CHST9: variants seen among roughly 807,000 people sequenced by gnomAD.
CHST9 encodes carbohydrate sulfotransferase 9.
In CHST9, 41 loss-of-function variants were observed where a neutral mutation model predicts 44.4. The observed-to-expected ratio is 0.92, with a 90% CI of 0.72 to 1.20. CHST9 has a LOEUF of 1.20. CHST9 is among the 50% of genes most tolerant of loss of function. CHST9 has a pLI of 0.00. For synonymous variants in CHST9, 171 were observed against 178.4 expected (o/e 0.96, Z 0.33); for missense variants, 504 against 516.5 (o/e 0.98, Z 0.23).
In CHST9 at chr18:26,907,631, AT is replaced by A. The variant is rs1357891807; in HGVS notation, c.*8627del. The A allele has an allele frequency of 6.6e-6, 1 of 152,644 alleles. No homozygotes were observed. Among genetic ancestry groups the A allele is most frequent in the Non-Finnish European group, 1.5e-5 (1 of 68,440 alleles). The allele number at this position is 152,644 out of a possible 1,614,324, so 9.5% of individuals were successfully genotyped here. On this transcript the variant is annotated 3_prime_UTR_variant, in exon 6 of 6. Coordinates refer to ENST00000618847, the MANE Select transcript of CHST9 (RefSeq NM_031422.6). Reference sequence around the variant, plus strand: ...CCCATGTGGAGGTCCTTAAAGAGGAATAAAGGACACTTCAGGTCGTGTAATA... The same window carrying A: ...CCCATGTGGAGGTCCTTAAAGAGGAAAAAGGACACTTCAGGTCGTGTAATA...
chr18:27,078,279 A>G (rs2057925691), intron 2 of CHST9, among the ~76,000 whole-genome samples: 1 of 152,128 alleles, frequency 6.6e-6, no homozygotes, highest in South Asian at 2.1e-4. Context: ...TCTATTCCCA[A>G]CTGAGGTTCA....
At chr18:26,969,988 CTTT>C (rs1228879039) in intron 4 of CHST9, among the ~76,000 whole-genome samples, 1 of 152,140 alleles carries the variant, frequency 6.6e-6, no homozygotes, top group Non-Finnish European at 1.5e-5. Flanking sequence ...CCATTTACTT[CTTT>C]GTTTCCTTTC....
At chr18:27,149,236 T>C (rs2058640033) in intron 1 of CHST9, among the ~76,000 whole-genome samples, 1 of 149,230 alleles carries the variant, frequency 6.7e-6, no homozygotes, top group African/African-American at 2.5e-5. Flanking sequence ...TAGTTTCTTT[T>C]GCTGTGCAGA....
intron 3 of CHST9, among the ~76,000 whole-genome samples, chr18:27,039,941 T>A (rs1327006825): frequency 6.6e-6 from 1 of 152,168 alleles, no homozygotes; most frequent in Non-Finnish European, 1.5e-5. Flanking sequence ...TGTAGTGTTT[T>A]GTTTGTCTCT....
chr18:27,087,045 T>C (rs936154374), intron 2 of CHST9, among the ~76,000 whole-genome samples: 6 of 152,156 alleles, frequency 3.9e-5, no homozygotes, highest in Admixed American at 2.0e-4. Context: ...AATTGAAGTG[T>C]GTGTTATACT....
At chr18:26,930,054 G>T (rs73400745) in intron 5 of CHST9, among the ~76,000 whole-genome samples, 4 of 152,310 alleles carry the variant, frequency 2.6e-5, no homozygotes, top group South Asian at 2.1e-4. Context: ...GATCAGATTG[G>T]CCTGTGTCAG....
intron 2 of CHST9, among the ~76,000 whole-genome samples, chr18:27,058,253 A>G (rs574890077): frequency 1.3e-5 from 2 of 152,204 alleles, no homozygotes; most frequent in Non-Finnish European, 2.9e-5. Context: ...GTTAGGTGTG[A>G]GTAGTCACTT....
intron 2 of CHST9, among the ~76,000 whole-genome samples, chr18:27,098,620 C>A (rs1021003314): frequency 6.6e-6 from 1 of 152,002 alleles, no homozygotes; most frequent in African/African-American, 2.4e-5. Flanking sequence ...TACTATGCAG[C>A]CATAAAAAAG....
chr18:27,112,246 G>A (rs1027832783), intron 2 of CHST9, among the ~76,000 whole-genome samples: 1 of 150,942 alleles, frequency 6.6e-6, no homozygotes, highest in African/African-American at 2.4e-5. Flanking sequence ...TCTGCAAGCT[G>A]GAAACCCAGG....
At chr18:26,918,725 T>C (rs8093730) in intron 5 of CHST9, among the ~76,000 whole-genome samples, 10 of 152,194 alleles carry the variant, frequency 6.6e-5, no homozygotes, top group African/African-American at 2.4e-4. Flanking sequence ...GCACCGTTCA[T>C]GGAGCCACCT....
chr18:26,978,285 A>ATGTGTG (rs35717712), intron 4 of CHST9, among the ~76,000 whole-genome samples: 4 of 150,220 alleles, frequency 2.7e-5, no homozygotes, highest in East Asian at 1.9e-4. Context: ...GAGTGTGTGT[A>ATGTGTG]TGTGTGTGTG....
chr18:26,976,930 T>A (rs1368279430), intron 4 of CHST9, among the ~76,000 whole-genome samples: 1 of 152,014 alleles, frequency 6.6e-6, no homozygotes, highest in Non-Finnish European at 1.5e-5. Context: ...TAGTCCAAGG[T>A]TTTTTCATTT....
rs573089612 is a variant in CHST9 at position 27,103,826 on chromosome 18, T to C, written c.121+38863A>G. 2.2e-4 allele frequency among the ~76,000 whole-genome samples: 34 copies of C among 152,280 alleles called. No homozygotes were observed. In the South Asian group the frequency reaches 6.6e-3, roughly 30 times the overall value. ...AACCACACAATTGGAATTAATGCTT[T>C]TCTTGCTCTCACATAGCTGTTTATA... On this transcript the variant is annotated intron_variant, in intron 2 of 5. Coordinates refer to ENST00000618847, the MANE Select transcript of CHST9 (RefSeq NM_031422.6).
At chr18:27,058,152 C>T (rs150216069) in intron 2 of CHST9, among the ~76,000 whole-genome samples, 2,151 of 152,274 alleles carry the variant, frequency 0.014, 34 homozygotes, top group South Asian at 0.034. Flanking sequence ...AATAGGAATG[C>T]TAGTCTTAAT....
chr18:26,969,930 AGT>A (rs2145167705), intron 4 of CHST9, among the ~76,000 whole-genome samples: 1 of 152,270 alleles, frequency 6.6e-6, no homozygotes, highest in African/African-American at 2.4e-5. Context: ...CATTTTGGTC[AGT>A]GTTATCATTA....
At chr18:27,083,608 AT>A (rs1244886443) in intron 2 of CHST9, among the ~76,000 whole-genome samples, 1 of 152,000 alleles carries the variant, frequency 6.6e-6, no homozygotes, top group Non-Finnish European at 1.5e-5. Flanking sequence ...TTTATCCAAC[AT>A]TTTTTTCAGT....
At chr18:27,023,461 T>C (rs1236953393) in intron 4 of CHST9, among the ~76,000 whole-genome samples, 1 of 152,224 alleles carries the variant, frequency 6.6e-6, no homozygotes, top group African/African-American at 2.4e-5. Context: ...TTACTTTCAA[T>C]ACTATTACCT....
intron 2 of CHST9, among the ~76,000 whole-genome samples, chr18:27,060,939 A>G (rs376874980): frequency 1.3e-5 from 2 of 152,228 alleles, no homozygotes; most frequent in East Asian, 3.9e-4. Context: ...AGGTGAGATG[A>G]ATTCTGTTGA....
intron 2 of CHST9, among the ~76,000 whole-genome samples, chr18:27,069,217 T>C (rs1012349943): frequency 5.3e-5 from 8 of 152,224 alleles, no homozygotes; most frequent in Non-Finnish European, 8.8e-5. Context: ...TTGGTACTTT[T>C]ACTTATTGCT....
Sources: allele counts gnomAD v4.1 joint callset (sites outside exome capture counted in the v4.1 genomes callset), GRCh38; gene constraint gnomAD v4.1.1; transcripts MANE v1.5; gene names NCBI Gene and HGNC (gene_info 2026-07-23, HGNC 2026-07-21).